PALD1: variants seen among roughly 807,000 people sequenced by gnomAD.
PALD1 encodes the protein phosphatase domain containing paladin 1, also known as paladin.
A neutral mutation model predicts 96.0 loss-of-function variants in PALD1; 57 were observed. The ratio of observed to expected loss-of-function variants is 0.59; its 90% CI spans 0.48 to 0.74. The LOEUF (loss-of-function observed/expected upper bound fraction) is 0.74, where lower values mean the gene tolerates loss of function less well. Among genes scored for constraint, PALD1 ranks in the 30% least tolerant of loss-of-function variants. PALD1 has a pLI of 0.00. For missense variants in PALD1, 1,063 were observed against 1,143.7 expected (o/e 0.93, Z 1.02); for synonymous variants, 464 against 473.6 (o/e 0.98, Z 0.26).
At chr10:70,547,116 G>A (rs1589213585) in intron 17 of PALD1, among the ~76,000 whole-genome samples, 190 bp from the exon 18 acceptor site, 1 of 152,300 alleles carries the variant, frequency 6.6e-6, no homozygotes, top group East Asian at 1.9e-4. Flanking sequence ...CATCTGGGTA[G>A]CCTGGCCCCG....
chr10:70,539,725 G>A lies in PALD1; in HGVS notation c.1871G>A (p.Arg624His), dbSNP rs1195060891. 2.5e-6 allele frequency: 4 copies of A among 1,612,480 alleles called. No individual in the cohort carries two copies. Among genetic ancestry groups the A allele is most frequent in the South Asian group, 1.1e-5 (1 of 90,956 alleles). The part of the protein sequence containing the change: ...RRACPGLTYH[R>H]IPMPDFCAPR... Reference sequence around the variant, plus strand: ...GCCTGTCCTGGCCTCACCTACCACCGCATCCCCATGCCGGACTTCTGTGCC... The same window carrying A: ...GCCTGTCCTGGCCTCACCTACCACCACATCCCCATGCCGGACTTCTGTGCC... The change falls in exon 15 of 20, where the codon CGC becomes CAC. Residue 624 changes from arginine (R) to histidine (H), a missense_variant. By Grantham distance (29) the Arg-to-His change is conservative. Transcript: ENST00000263563. The surrounding 1 kb of genome is among the most constrained non-coding windows in gnomAD (Gnocchi z 4.5).
At position 70,539,459 on chromosome 10, in the gene PALD1, G is replaced by C; in HGVS notation, c.1726-121G>C. On this transcript the variant is annotated intron_variant, in intron 14 of 19. Coordinates refer to ENST00000263563, the MANE Select transcript of PALD1 (RefSeq NM_014431.3). This position sits in a 1 kb window ranked among gnomAD's most constrained non-coding sequence, Gnocchi z 4.5. ...GGGGTGGCTGTGACCCCTGAGGCTT[G>C]GGGGGGTCAGGGATGGGACTGGAAG... The C allele has an allele frequency of 1.9e-6, 2 of 1,058,828 alleles. No homozygotes were observed. Among genetic ancestry groups the C allele is most frequent in the East Asian group, 2.6e-5 (1 of 38,418 alleles). The allele number at this position is 1,058,828 out of a possible 1,614,324, so 65.6% of individuals were successfully genotyped here.
Position 70,540,881 on chromosome 10 carries a change from A to G in PALD1, c.1909-221A>G, listed in dbSNP as rs1044764882. On this transcript the variant is annotated intron_variant, in intron 15 of 19. Coordinates refer to ENST00000263563, the MANE Select transcript of PALD1 (RefSeq NM_014431.3). The surrounding 1 kb of genome is among the most constrained non-coding windows in gnomAD (Gnocchi z 4.2). The stretch of plus-strand genomic sequence containing the variant: ...CTGTGTTGGCTCACACATCCTGTCC[A>G]GGTGCTTGGTGTGAGGGTGATTACG... Among the ~76,000 whole-genome samples, 1 of 152,186 alleles carries G rather than the reference A, an allele frequency of 6.6e-6. No individual in the cohort carries two copies. Among genetic ancestry groups the G allele is most frequent in the Non-Finnish European group, 1.5e-5 (1 of 68,022 alleles).
intron 2 of PALD1, among the ~76,000 whole-genome samples, chr10:70,528,720 G>A (rs115838015): frequency 2.3e-3 from 351 of 152,292 alleles, no homozygotes; most frequent in African/African-American, 7.1e-3. Context: ...TCTCTTACAT[G>A]CAAGTCCACG....
chr10:70,523,813 A>G, intron 1 of PALD1, among the ~76,000 whole-genome samples: 1 of 151,646 alleles, frequency 6.6e-6, no homozygotes, highest in South Asian at 2.1e-4. Context: ...TGGCTGTTTG[A>G]GAAGGTTCTG....
At chr10:70,522,973 T>A (rs1340229183) in intron 1 of PALD1, among the ~76,000 whole-genome samples, 1 of 152,068 alleles carries the variant, frequency 6.6e-6, no homozygotes, top group African/African-American at 2.4e-5. Context: ...CTGGTGAGGT[T>A]CTTTCTGGCA....
chr10:70,566,762 C>G lies in PALD1; in HGVS notation c.*29C>G. 6.6e-7 allele frequency: 1 copy of G among 1,513,180 alleles called. No homozygotes were observed. The allele number at this position is 1,513,180 out of a possible 1,614,324, so 93.7% of individuals were successfully genotyped here. A position where few individuals can be genotyped will look rare whatever the true frequency, so the allele number is the denominator to read the frequency against. On this transcript the variant is annotated 3_prime_UTR_variant, in exon 20 of 20. Coordinates refer to ENST00000263563, the MANE Select transcript of PALD1 (RefSeq NM_014431.3). ...GCCTTACTCCCTGTCCCCCCACCCA[C>G]AGGGCCCCACGCAGGCCTGGGGTGT...
chr10:70,556,082 A>C (rs1847603030), intron 18 of PALD1, among the ~76,000 whole-genome samples: 1 of 152,160 alleles, frequency 6.6e-6, no homozygotes, highest in Admixed American at 6.5e-5. Context: ...TCTTGGGAGC[A>C]GGGCTGGAGC....
intron 18 of PALD1, among the ~76,000 whole-genome samples, chr10:70,556,647 A>T (rs753105268): frequency 6.6e-6 from 1 of 151,844 alleles, no homozygotes; most frequent in Non-Finnish European, 1.5e-5. Context: ...CTTCCTTCCC[A>T]TTGTAGGGCA....
Position 70,530,020 on chromosome 10 carries a change from C to T in PALD1, c.420C>T (p.Leu140=). Reference sequence around the variant, plus strand: ...TGTTCGGCATGGGACAGCCCAGCCTCTCAGGGTTCAGGCGGGTCCTCCAGA... The same window carrying T: ...TGTTCGGCATGGGACAGCCCAGCCTTTCAGGGTTCAGGCGGGTCCTCCAGA... ...LTVFGMGQPS[L]SGFRRVLQKL... Residue 140 remains leucine, a synonymous_variant, in exon 4 of 20, where the codon CTC becomes CTT. Transcript: ENST00000263563. The T allele has an allele frequency of 3.2e-6, 5 of 1,583,928 alleles. No individual in the cohort carries two copies. The highest frequency in any genetic ancestry group is 3.4e-6 in the Non-Finnish European group (4 of 1,166,128).
chr10:70,493,345 G>A (rs899759940), intron 1 of PALD1, among the ~76,000 whole-genome samples: 16 of 152,230 alleles, frequency 1.1e-4, no homozygotes, highest in East Asian at 9.6e-4. Context: ...TTCTCCACCC[G>A]TGAAGGAGGT....
rs150083305 is a variant in PALD1 at position 70,500,562 on chromosome 10, T to C, written c.-30+21503T>C. Reference sequence around the variant, plus strand: ...TTCCTCCCCCTTCCGGTCTATCAAATGTTGCTCATCCTTTAAGTCCCAGCT... The same window carrying C: ...TTCCTCCCCCTTCCGGTCTATCAAACGTTGCTCATCCTTTAAGTCCCAGCT... On this transcript the variant is annotated intron_variant, in intron 1 of 19. Coordinates refer to ENST00000263563, the MANE Select transcript of PALD1 (RefSeq NM_014431.3). 7.5e-3 allele frequency among the ~76,000 whole-genome samples: 1,143 copies of C among 152,270 alleles called. 17 individuals carry two copies. Among genetic ancestry groups the C allele is most frequent in the Admixed American group, 0.036 (546 of 15,292 alleles).
the PALD1 span, among the ~76,000 whole-genome samples, chr10:70,466,593 T>A: frequency 6.6e-6 from 1 of 152,210 alleles, no homozygotes; most frequent in African/African-American, 2.4e-5. Context: ...TACATTCTTG[T>A]AGCTGTGCAA....
chr10:70,527,226 A>G (rs888506107), intron 2 of PALD1, among the ~76,000 whole-genome samples: 1 of 152,216 alleles, frequency 6.6e-6, no homozygotes, highest in Non-Finnish European at 1.5e-5. Context: ...TTCCTTATCA[A>G]CATAAGCAGA....
chr10:70,514,700 A>G (rs1034195531), intron 1 of PALD1, among the ~76,000 whole-genome samples: 1 of 152,186 alleles, frequency 6.6e-6, no homozygotes, highest in Non-Finnish European at 1.5e-5. Flanking sequence ...TGTAGCAAAG[A>G]CACAAAAATC....
At chr10:70,544,846 A>G (rs746071296) in intron 17 of PALD1, among the ~76,000 whole-genome samples, 7 of 152,186 alleles carry the variant, frequency 4.6e-5, no homozygotes, top group Non-Finnish European at 7.4e-5. Flanking sequence ...ATCTGCCACT[A>G]GTTCCTTCCA....
At chr10:70,459,838 C>T in the PALD1 span, among the ~76,000 whole-genome samples, 4 of 152,226 alleles carry the variant, frequency 2.6e-5, no homozygotes, top group Non-Finnish European at 5.9e-5. Context: ...CATAGGTGAA[C>T]GCCACTCTGC....
At position 70,534,887 on chromosome 10, in the gene PALD1, C is replaced by T. The variant is rs1847078104; in HGVS notation, c.1227+44C>T. On this transcript the variant is annotated intron_variant, in intron 10 of 19. Coordinates refer to ENST00000263563, the MANE Select transcript of PALD1 (RefSeq NM_014431.3). The stretch of plus-strand genomic sequence containing the variant: ...TGTGAGCACTCTGCTTCTCTGTGAG[C>T]CCTGCAGCCTGATTTCATTAGGCAT... 3.9e-6 allele frequency: 5 copies of T among 1,282,112 alleles called. No homozygotes were observed. The East Asian group carries it at 1.2e-4, about 31-fold the overall frequency. The allele number at this position is 1,282,112 out of a possible 1,614,324, so 79.4% of individuals were successfully genotyped here. A position where few individuals can be genotyped will look rare whatever the true frequency, so the allele number is the denominator to read the frequency against.
upstream of PALD1, among the ~76,000 whole-genome samples, chr10:70,473,856 C>T (rs1205640810): frequency 6.7e-6 from 1 of 148,902 alleles, no homozygotes; most frequent in Non-Finnish European, 1.5e-5. Context: ...CCATGTTGGC[C>T]AGGCTGGTCT....
Sources: allele counts gnomAD v4.1 joint callset (sites outside exome capture counted in the v4.1 genomes callset), GRCh38; gene constraint gnomAD v4.1.1; non-coding constraint Gnocchi (gnomAD v3.1); transcripts MANE v1.5; gene names NCBI Gene and HGNC (gene_info 2026-07-23, HGNC 2026-07-21).